Variants in TOM1L2 observed in about 807,000 individuals in gnomAD.
The protein encoded by TOM1L2 is TOM1-like protein 2.
TOM1L2 carries 31 observed loss-of-function variants against 67.9 expected under a neutral mutation model. The observed-to-expected ratio is 0.46, with a 90% CI of 0.34 to 0.62. The LOEUF is 0.62. Ranked by LOEUF, TOM1L2 falls within the 20% of genes least tolerant of loss-of-function variation. The pLI is 0.01. For missense variants in TOM1L2, 606 were observed against 663.5 expected (o/e 0.91, Z 0.95); for synonymous variants, 256 against 254.0 (o/e 1.01, Z -0.07).
At chr17:17,852,821 C>T (rs1013054798) in intron 12 of TOM1L2, among the ~76,000 whole-genome samples, 6 of 143,586 alleles carry the variant, frequency 4.2e-5, no homozygotes, top group Admixed American at 7.3e-5. Flanking sequence ...GCCGAGATCA[C>T]GCCATTGCAC....
chr17:17,861,272 G>A (rs2036543330), intron 12 of TOM1L2, among the ~76,000 whole-genome samples: 1 of 152,192 alleles, frequency 6.6e-6, no homozygotes, highest in Admixed American at 6.5e-5. Flanking sequence ...GGAAGCTCAT[G>A]TGTGGCCTCA....
chr17:17,917,572 T>C (rs952974203), intron 1 of TOM1L2, among the ~76,000 whole-genome samples: 2 of 147,024 alleles, frequency 1.4e-5, no homozygotes, highest in African/African-American at 5.0e-5. Context: ...TAGCTGGGAA[T>C]ACATGTGCAT....
At chr17:17,854,485 T>TTTTATTTTTA (rs1339175035) in intron 12 of TOM1L2, among the ~76,000 whole-genome samples, 4 of 151,710 alleles carry the variant, frequency 2.6e-5, no homozygotes, top group African/African-American at 9.7e-5. Context: ...TGTGTCATAG[T>TTTTATTTTTA]TTTATTTTTA....
intron 7 of TOM1L2, among the ~76,000 whole-genome samples, chr17:17,873,608 G>A (rs555094200): frequency 1.4e-4 from 21 of 152,300 alleles, no homozygotes; most frequent in African/African-American, 4.3e-4. Flanking sequence ...TCCCAGCACC[G>A]GCGGCCTGAT....
At chr17:17,889,430 GGGGGACTTTGGAAAAGCTAGTGT>G (rs2038161652) in intron 4 of TOM1L2, among the ~76,000 whole-genome samples, 1 of 152,170 alleles carries the variant, frequency 6.6e-6, no homozygotes, top group Non-Finnish European at 1.5e-5. Flanking sequence ...TATAGGCACA[GGGGGACTTTGGAAAAGCTAGTGT>G]GGAGCCCAAC....
chr17:17,872,392 C>T (rs61217632), intron 7 of TOM1L2, among the ~76,000 whole-genome samples: 11,804 of 152,170 alleles, frequency 0.078, 793 homozygotes, highest in East Asian at 0.25. Flanking sequence ...GACAGAGGAG[C>T]ACAGATTTAG....
intron 4 of TOM1L2, among the ~76,000 whole-genome samples, chr17:17,890,441 T>C (rs2038217405): frequency 6.6e-6 from 1 of 152,206 alleles, no homozygotes; most frequent in African/African-American, 2.4e-5. Context: ...AATATATATA[T>C]GCTCAAGAAA....
At chr17:17,861,685 T>C in intron 11 of TOM1L2, 134 bp from the exon 12 acceptor site, 1 of 753,602 alleles carries the variant, frequency 1.3e-6, no homozygotes. Flanking sequence ...TCCTGAAACC[T>C]TGACATTGAG....
At chr17:17,897,121 C>A (rs1283841110) in intron 3 of TOM1L2, among the ~76,000 whole-genome samples, 6 of 152,166 alleles carry the variant, frequency 3.9e-5, no homozygotes, top group African/African-American at 1.2e-4. Context: ...AACACGATTA[C>A]CATGAAGTTG....
At chr17:17,876,440 TG>T (rs1203298805) in intron 7 of TOM1L2, among the ~76,000 whole-genome samples, 1 of 152,158 alleles carries the variant, frequency 6.6e-6, no homozygotes, top group Non-Finnish European at 1.5e-5. Context: ...GTGCAGTGGG[TG>T]GGGCTTATGG....
chr17:17,902,988 C>T (rs1046821701), intron 2 of TOM1L2, among the ~76,000 whole-genome samples: 1 of 152,142 alleles, frequency 6.6e-6, no homozygotes, highest in Admixed American at 6.5e-5. Flanking sequence ...CCTAGAATTG[C>T]TCCAGCCTGT....
intron 7 of TOM1L2, among the ~76,000 whole-genome samples, chr17:17,875,233 G>A (rs962295722): frequency 8.0e-5 from 12 of 150,906 alleles, no homozygotes; most frequent in African/African-American, 2.4e-4. Context: ...TCCAGCCTGG[G>A]TGACAAAGCG....
intron 1 of TOM1L2, among the ~76,000 whole-genome samples, chr17:17,959,630 A>G (rs191097137): frequency 6.6e-6 from 1 of 152,312 alleles, no homozygotes; most frequent in African/African-American, 2.4e-5. Flanking sequence ...TATTTCGACT[A>G]ATGACGTGCC....
intron 12 of TOM1L2, among the ~76,000 whole-genome samples, chr17:17,852,419 C>G (rs1441285502): frequency 6.6e-6 from 1 of 152,182 alleles, no homozygotes; most frequent in Non-Finnish European, 1.5e-5. Context: ...GCTCAGCTGG[C>G]CCCTTGCTCT....
chr17:17,952,800 G>T (rs893636262), intron 1 of TOM1L2, among the ~76,000 whole-genome samples: 1 of 152,180 alleles, frequency 6.6e-6, no homozygotes, highest in Non-Finnish European at 1.5e-5. Context: ...AAAGACCAAA[G>T]AGAAGGCAGC....
At chr17:17,918,954 C>G (rs2039742486) in intron 1 of TOM1L2, among the ~76,000 whole-genome samples, 1 of 152,274 alleles carries the variant, frequency 6.6e-6, no homozygotes, top group South Asian at 2.1e-4. Flanking sequence ...TCTGAGGCCC[C>G]CAGGTGACAG....
At chr17:17,956,660 C>T (rs181008987) in intron 1 of TOM1L2, among the ~76,000 whole-genome samples, 4 of 152,354 alleles carry the variant, frequency 2.6e-5, no homozygotes, top group South Asian at 4.1e-4. Context: ...TGAGACCCGG[C>T]GAGAATTCCA....
chr17:17,857,024 A>G (rs2036285748), intron 12 of TOM1L2, among the ~76,000 whole-genome samples: 1 of 152,158 alleles, frequency 6.6e-6, no homozygotes, highest in Non-Finnish European at 1.5e-5. Flanking sequence ...GTGCAATCTC[A>G]GCTCACTACA....
rs1447668513 is a variant in TOM1L2 at position 17,845,686 on chromosome 17, C to G, written c.*1949G>C. 1 of 152,414 alleles carries G rather than the reference C, an allele frequency of 6.6e-6. No individual in the cohort carries two copies. The highest frequency in any genetic ancestry group is 2.1e-4 in the South Asian group (1 of 4,832). 9.4% of individuals were successfully genotyped at this position (152,414 alleles called of 1,614,324 possible). A position where few individuals can be genotyped will look rare whatever the true frequency, so the allele number is the denominator to read the frequency against. Reference sequence around the variant, plus strand: ...AAAGGCAGCCAAAGGGCTGGGGCCTCTGGGTGCACCTGGGCCATCCCAGCC... The same window carrying G: ...AAAGGCAGCCAAAGGGCTGGGGCCTGTGGGTGCACCTGGGCCATCCCAGCC... On this transcript the variant is annotated 3_prime_UTR_variant, in exon 15 of 15. Coordinates refer to ENST00000379504, the MANE Select transcript of TOM1L2 (RefSeq NM_001082968.2).
Sources: gnomAD v4.1 joint callset for allele counts (sites outside exome capture counted in the v4.1 genomes callset) on GRCh38, gnomAD v4.1.1 for gene constraint, MANE v1.5 for transcripts, NCBI Gene and HGNC (gene_info 2026-07-23, HGNC 2026-07-21) for gene names.